Variants in LRMDA observed in about 807,000 individuals in gnomAD.
LRMDA encodes leucine-rich melanocyte differentiation-associated protein.
A neutral mutation model predicts 29.8 loss-of-function variants in LRMDA; 18 were observed. That is an observed-to-expected ratio of 0.60 (90% CI 0.42 to 0.90). LRMDA has a LOEUF of 0.90. Among genes scored for constraint, LRMDA ranks in the 40% least tolerant of loss-of-function variants. The pLI is 0.00. For missense variants in LRMDA, 273 were observed against 273.9 expected, an observed-to-expected ratio of 1.00 and a Z score of 0.02; for synonymous variants, 125 against 109.4, an observed-to-expected ratio of 1.14 and a Z score of -0.89.
chr10:75,462,879 A>G (rs925382674), intron 2 of LRMDA, among the ~76,000 whole-genome samples: 2 of 152,164 alleles, frequency 1.3e-5, no homozygotes, highest in African/African-American at 4.8e-5. Flanking sequence ...TTCCACTCCA[A>G]TTTCTTTTTC....
chr10:76,353,537 G>T (rs764648955), intron 6 of LRMDA, among the ~76,000 whole-genome samples: 4 of 152,100 alleles, frequency 2.6e-5, no homozygotes. Context: ...TCGAAGCTCC[G>T]CAGACTGGCT....
chr10:76,266,174 A>C (rs1840004481), intron 5 of LRMDA, among the ~76,000 whole-genome samples: 2 of 152,216 alleles, frequency 1.3e-5, no homozygotes, highest in South Asian at 2.1e-4. Flanking sequence ...GTGTATGAAA[A>C]TGCTTGGCAT....
At chr10:76,387,543 C>CAGCG (rs1841673485) in intron 6 of LRMDA, among the ~76,000 whole-genome samples, 1 of 151,298 alleles carries the variant, frequency 6.6e-6, no homozygotes, top group South Asian at 2.1e-4. Flanking sequence ...GTAGAAGCTG[C>CAGCG]AGCGAGGTAT....
At chr10:76,058,644 G>A (rs1443519628) in intron 4 of LRMDA, 22 bp from the exon 5 acceptor site, 2 of 1,593,034 alleles carry the variant, frequency 1.3e-6, no homozygotes, top group South Asian at 1.1e-5. Flanking sequence ...TTCCTGAGTT[G>A]TCTCTGACTC....
rs181466137 is a variant in LRMDA at position 75,982,382 on chromosome 10, G to A, written c.132-53626G>A. Among the ~76,000 whole-genome samples the A allele has an allele frequency of 2.6e-4, 40 of 152,234 alleles. 1 individual carries two copies. The highest frequency in any genetic ancestry group is 1.5e-3 in the East Asian group (8 of 5,168). ...ATATGGTTGACCATCCTTGGACCCC[G>A]CATTGCCTTGCAGGGTAATGCCAGT... On this transcript the variant is annotated intron_variant, in intron 2 of 6. Coordinates refer to ENST00000611255, the MANE Select transcript of LRMDA (RefSeq NM_001305581.2).
chr10:75,697,854 T>TGTGTGTGTGTGTGTGTGTGTGTGTGTGC lies in LRMDA; in HGVS notation c.131+259372_131+259373insGTGTGTGTGTGTGTGCGTGTGTGTGTGT, dbSNP rs1443157627. ...GTAAGAGTGTGTGTGTGTGTGTGCGTGTGTGTGTGTGTCTCATTCGCGCTC... is the reference window on the plus strand; with the variant it reads ...GTAAGAGTGTGTGTGTGTGTGTGCGTGTGTGTGTGTGTGTGTGTGTGTGTGTGCGTGTGTGTGTGTCTCATTCGCGCTC... On this transcript the variant is annotated intron_variant, in intron 2 of 6. Transcript: ENST00000611255. 5.3e-5 allele frequency among the ~76,000 whole-genome samples: 8 copies of TGTGTGTGTGTGTGTGTGTGTGTGTGTGC among 151,618 alleles called. No individual in the cohort carries two copies. The South Asian group carries it at 1.3e-3, about 24-fold the overall frequency.
chr10:75,497,950 G>T (rs1289049862), intron 2 of LRMDA, among the ~76,000 whole-genome samples: 4 of 152,122 alleles, frequency 2.6e-5, no homozygotes, highest in Admixed American at 2.0e-4. Flanking sequence ...GGGTCCTAGG[G>T]GAGATGCACG....
chr10:76,140,651 C>G (rs1204757919), intron 5 of LRMDA, among the ~76,000 whole-genome samples: 1 of 152,062 alleles, frequency 6.6e-6, no homozygotes, highest in Non-Finnish European at 1.5e-5. Flanking sequence ...GAACCAAAGA[C>G]TTTCTCACCT....
chr10:76,121,353 A>T (rs1849785061), intron 5 of LRMDA, among the ~76,000 whole-genome samples: 1 of 152,186 alleles, frequency 6.6e-6, no homozygotes, highest in Admixed American at 6.5e-5. Context: ...TTTCCAGCCC[A>T]TTTCTGTGGG....
chr10:76,413,610 T>C (rs1490925796), intron 6 of LRMDA, among the ~76,000 whole-genome samples: 1 of 152,082 alleles, frequency 6.6e-6, no homozygotes, highest in African/African-American at 2.4e-5. Flanking sequence ...CAGTTCAAGA[T>C]GAGATTTGGG....
At chr10:76,481,716 G>C (rs1401223775) in intron 6 of LRMDA, among the ~76,000 whole-genome samples, 1 of 151,854 alleles carries the variant, frequency 6.6e-6, no homozygotes, top group Non-Finnish European at 1.5e-5. Flanking sequence ...TGTAGGGTCA[G>C]ATTAACTCAT....
intron 5 of LRMDA, among the ~76,000 whole-genome samples, chr10:76,238,096 T>C (rs1023068309): frequency 4.0e-5 from 6 of 151,834 alleles, no homozygotes; most frequent in African/African-American, 1.5e-4. Context: ...TGGCTAAGAG[T>C]GCATATTCAT....
chr10:75,856,463 A>G (rs1326910705), intron 2 of LRMDA, among the ~76,000 whole-genome samples: 1 of 152,238 alleles, frequency 6.6e-6, no homozygotes, highest in African/African-American at 2.4e-5. Context: ...ATCCAGCAGC[A>G]CATCAAAAAG....
intron 5 of LRMDA, among the ~76,000 whole-genome samples, chr10:76,147,724 G>T (rs950042245): frequency 6.6e-6 from 1 of 152,154 alleles, no homozygotes; most frequent in Non-Finnish European, 1.5e-5. Context: ...TCCGTTGCTG[G>T]TGAGGAGCTG....
At chr10:75,545,434 T>C (rs1726214048) in intron 2 of LRMDA, among the ~76,000 whole-genome samples, 1 of 152,180 alleles carries the variant, frequency 6.6e-6, no homozygotes, top group Non-Finnish European at 1.5e-5. Flanking sequence ...CTGCAGACTT[T>C]GGGCTTGTTG....
chr10:75,432,646 C>G (rs986795437), intron 1 of LRMDA, among the ~76,000 whole-genome samples: 1 of 152,242 alleles, frequency 6.6e-6, no homozygotes, highest in African/African-American at 2.4e-5. Context: ...AAGCTCTCCT[C>G]TTGGATTGCC....
At chr10:75,632,983 A>C (rs1162317733) in intron 2 of LRMDA, among the ~76,000 whole-genome samples, 1 of 151,472 alleles carries the variant, frequency 6.6e-6, no homozygotes, top group Non-Finnish European at 1.5e-5. Context: ...GTCCCAGGGG[A>C]GCAGACTCCT....
At chr10:75,581,566 G>GAT (rs1564806420) in intron 2 of LRMDA, among the ~76,000 whole-genome samples, 1,817 of 152,192 alleles carry the variant, frequency 0.012, 31 homozygotes, top group African/African-American at 0.039. Flanking sequence ...CCATTACTGG[G>GAT]TATATACCCA....
intron 5 of LRMDA, among the ~76,000 whole-genome samples, chr10:76,136,735 T>G (rs1263701399): frequency 6.6e-6 from 1 of 152,224 alleles, no homozygotes; most frequent in East Asian, 1.9e-4. Context: ...GTTCTTAAAC[T>G]TTCTATATTT....
Sources: allele counts gnomAD v4.1 joint callset (sites outside exome capture counted in the v4.1 genomes callset), GRCh38; gene constraint gnomAD v4.1.1; transcripts MANE v1.5; gene names NCBI Gene and HGNC (gene_info 2026-07-23, HGNC 2026-07-21).